ANK2: variants seen among roughly 807,000 people sequenced by gnomAD.
ANK2 encodes the protein ankyrin 2.
Under a neutral mutation model 360.5 loss-of-function variants are expected in ANK2, and 83 were observed. The ratio of observed to expected loss-of-function variants is 0.23; its 90% CI spans 0.19 to 0.28. The LOEUF is 0.28. ANK2 is among the 10% of genes least tolerant of loss of function. ANK2 has a pLI of 1.00. For missense variants in ANK2, 4,201 were observed against 4,795.7 expected (o/e 0.88, Z 3.66); for synonymous variants, 1,740 against 1,759.5 (o/e 0.99, Z 0.28).
intron 2 of ANK2, among the ~76,000 whole-genome samples, chr4:113,024,950 A>T (rs886757393): frequency 6.6e-6 from 1 of 152,138 alleles, no homozygotes; most frequent in South Asian, 2.1e-4. Context: ...GAATTTTTTA[A>T]TATAATATTT....
At chr4:113,120,803 A>G (rs2095304989) in intron 1 of ANK2, among the ~76,000 whole-genome samples, 1 of 152,058 alleles carries the variant, frequency 6.6e-6, no homozygotes, top group African/African-American at 2.4e-5. Context: ...GTTCCCCTCA[A>G]TGTGTCCATG....
At chr4:112,749,063 C>A in the ANK2 span, among the ~76,000 whole-genome samples, 4 of 152,178 alleles carry the variant, frequency 2.6e-5, no homozygotes, top group East Asian at 1.9e-4. Context: ...CCACGCCCAT[C>A]TGATTTTTTT....
intron 2 of ANK2, among the ~76,000 whole-genome samples, chr4:112,989,210 C>A (rs1017300977): frequency 6.6e-6 from 1 of 152,048 alleles, no homozygotes; most frequent in Non-Finnish European, 1.5e-5. Flanking sequence ...GTTAAAAATT[C>A]TTAATATAGA....
At chr4:113,308,901 A>C (rs904613072) in intron 23 of ANK2, among the ~76,000 whole-genome samples, 2 of 152,158 alleles carry the variant, frequency 1.3e-5, no homozygotes, top group Admixed American at 1.3e-4. Flanking sequence ...GAGGCTTTGG[A>C]GGCAGGGATG....
intron 1 of ANK2, among the ~76,000 whole-genome samples, chr4:113,118,519 G>T (rs1200991228): frequency 6.6e-6 from 1 of 152,032 alleles, no homozygotes; most frequent in Non-Finnish European, 1.5e-5. Flanking sequence ...ACTGCATAGG[G>T]ATTCATTGCA....
At chr4:112,892,559 G>C (rs929524797) in intron 1 of ANK2, among the ~76,000 whole-genome samples, 17 of 152,204 alleles carry the variant, frequency 1.1e-4, no homozygotes, top group Non-Finnish European at 2.5e-4. Flanking sequence ...TTGAAGTAAA[G>C]TGTTTGAAAG....
chr4:113,103,761 A>G (rs2093268103), intron 1 of ANK2, among the ~76,000 whole-genome samples: 3 of 152,222 alleles, frequency 2.0e-5, no homozygotes, highest in Admixed American at 1.3e-4. Context: ...TAAAGCTGAT[A>G]GAGTATACAT....
At chr4:112,958,642 G>A (rs185674291) in intron 2 of ANK2, among the ~76,000 whole-genome samples, 1 of 152,014 alleles carries the variant, frequency 6.6e-6, no homozygotes. Flanking sequence ...GAGAGGGAGA[G>A]GGAGAGGGCT....
the ANK2 span, among the ~76,000 whole-genome samples, chr4:112,784,095 G>A: frequency 6.6e-6 from 1 of 151,982 alleles, no homozygotes; most frequent in Non-Finnish European, 1.5e-5. Flanking sequence ...GGACATTTTG[G>A]TTGTTTCCAG....
chr4:113,174,552 C>A, intron 2 of ANK2, 35 bp downstream of exon 2: 1 of 1,420,836 alleles, frequency 7.0e-7, no homozygotes, highest in Non-Finnish European at 9.9e-7. Flanking sequence ...TGTTGTGCAA[C>A]GAAGGAACAC....
chr4:112,964,234 A>G (rs2036169305), intron 2 of ANK2, among the ~76,000 whole-genome samples: 1 of 151,080 alleles, frequency 6.6e-6, no homozygotes, highest in Non-Finnish European at 1.5e-5. Context: ...TGTGTCACAA[A>G]CAATCCAAAT....
intron 28 of ANK2, among the ~76,000 whole-genome samples, chr4:113,332,479 G>A (rs1011874493): frequency 1.3e-5 from 2 of 152,170 alleles, no homozygotes; most frequent in African/African-American, 2.4e-5. Flanking sequence ...AATATAATAG[G>A]CATTGGACAC....
intron 2 of ANK2, among the ~76,000 whole-genome samples, chr4:112,959,911 A>G (rs909102033): frequency 3.3e-5 from 5 of 152,144 alleles, no homozygotes; most frequent in African/African-American, 1.2e-4. Context: ...CAATGACAAA[A>G]CGCTCCTGCA....
At chr4:112,876,673 C>T (rs753799647) in intron 1 of ANK2, among the ~76,000 whole-genome samples, 22 of 152,288 alleles carry the variant, frequency 1.4e-4, no homozygotes, top group Non-Finnish European at 5.9e-5. Context: ...TTCCCTGATT[C>T]TTACTGTTTG....
intron 1 of ANK2, among the ~76,000 whole-genome samples, chr4:113,129,002 G>A (rs1455508042): frequency 1.3e-5 from 2 of 152,134 alleles, no homozygotes; most frequent in African/African-American, 2.4e-5. Flanking sequence ...GCTGATTTGA[G>A]TAAGAACAGG....
the ANK2 span, among the ~76,000 whole-genome samples, chr4:112,773,136 G>A: frequency 6.6e-6 from 1 of 152,052 alleles, no homozygotes; most frequent in Admixed American, 6.6e-5. Context: ...TGGGCAACAT[G>A]GCAAAACCCC....
intron 37 of ANK2, among the ~76,000 whole-genome samples, chr4:113,352,762 T>G (rs1428158139): frequency 6.6e-6 from 1 of 152,174 alleles, no homozygotes; most frequent in Non-Finnish European, 1.5e-5. Context: ...TGTATGTGCG[T>G]CTTGTTTTAG....
chr4:112,844,199 A>G (rs990639656), intron 1 of ANK2, among the ~76,000 whole-genome samples: 2 of 152,208 alleles, frequency 1.3e-5, no homozygotes, highest in East Asian at 1.9e-4. Context: ...AATAACTTAC[A>G]TGATTCACCT....
chr4:113,206,305 C>G (rs1249052423), intron 4 of ANK2, among the ~76,000 whole-genome samples: 1 of 152,142 alleles, frequency 6.6e-6, no homozygotes, highest in East Asian at 1.9e-4. Context: ...CATGCATTCT[C>G]ATTATTCAGC....
Sources: gnomAD v4.1 joint callset for allele counts (sites outside exome capture counted in the v4.1 genomes callset) on GRCh38, gnomAD v4.1.1 for gene constraint, MANE v1.5 for transcripts, NCBI Gene and HGNC (gene_info 2026-07-23, HGNC 2026-07-21) for gene names.